Variants in PCDH7 observed in about 807,000 individuals in gnomAD.
PCDH7 encodes the protein protocadherin 7.
Under a neutral mutation model 58.9 loss-of-function variants are expected in PCDH7, and 17 were observed. The observed-to-expected ratio is 0.29, with a 90% CI of 0.20 to 0.43. The LOEUF is 0.43. PCDH7 is among the 20% of genes least tolerant of loss of function. PCDH7 has a pLI of 1.00. For synonymous variants in PCDH7, 664 were observed against 616.4 expected (o/e 1.08, Z -1.14); for missense variants, 1,274 against 1,441.0 (o/e 0.88, Z 1.88).
chr4:31,032,893 A>G (rs1755080010), intron 3 of PCDH7, among the ~76,000 whole-genome samples: 2 of 152,186 alleles, frequency 1.3e-5, no homozygotes, highest in Admixed American at 6.5e-5. Flanking sequence ...TTAGGGAATA[A>G]GGAATAGATT....
chr4:30,726,947 C>T (rs992536905), intron 1 of PCDH7, among the ~76,000 whole-genome samples: 2 of 151,772 alleles, frequency 1.3e-5, no homozygotes, highest in Non-Finnish European at 3.0e-5. Context: ...TAGACAATTT[C>T]CTATTTTTAT....
At chr4:30,968,376 C>CACTATATATATATA in intron 3 of PCDH7, among the ~76,000 whole-genome samples, 1 of 67,056 alleles carries the variant, frequency 1.5e-5, no homozygotes, top group South Asian at 5.1e-4. Flanking sequence ...TATACACACA[C>CACTATATATATATA]TATATATATA....
At chr4:31,075,073 TACAA>T (rs1028061147) in intron 3 of PCDH7, among the ~76,000 whole-genome samples, 6 of 152,166 alleles carry the variant, frequency 3.9e-5, no homozygotes, top group Non-Finnish European at 7.3e-5. Flanking sequence ...ACCCTTTTTT[TACAA>T]ACAGAGACAA....
chr4:30,796,299 C>T (rs1319127348), intron 1 of PCDH7, among the ~76,000 whole-genome samples: 1 of 152,138 alleles, frequency 6.6e-6, no homozygotes, highest in Non-Finnish European at 1.5e-5. Context: ...TAACGGACTT[C>T]CCCAGTAGTC....
At chr4:30,773,698 G>T (rs1186750342) in intron 1 of PCDH7, among the ~76,000 whole-genome samples, 4 of 152,088 alleles carry the variant, frequency 2.6e-5, no homozygotes, top group African/African-American at 9.7e-5. Context: ...TCCCCAGAGG[G>T]TTGCTGTCTC....
intron 1 of PCDH7, among the ~76,000 whole-genome samples, chr4:30,881,948 T>C (rs2109371710): frequency 6.6e-6 from 1 of 152,302 alleles, no homozygotes; most frequent in African/African-American, 2.4e-5. Context: ...AACAACTGGC[T>C]AAAAAGCAGA....
At chr4:30,787,876 C>T (rs1416581979) in intron 1 of PCDH7, among the ~76,000 whole-genome samples, 1 of 152,012 alleles carries the variant, frequency 6.6e-6, no homozygotes, top group East Asian at 1.9e-4. Context: ...CTGTCTTAAG[C>T]CATTCTGTTA....
intron 3 of PCDH7, among the ~76,000 whole-genome samples, chr4:31,133,412 C>G (rs1415607698): frequency 6.6e-6 from 1 of 152,122 alleles, no homozygotes; most frequent in Admixed American, 6.6e-5. Context: ...ATTATGAAAG[C>G]TATGATTATT....
At chr4:31,145,971 G>A (rs952555542), downstream of PCDH7, 2 of 152,064 alleles carry the variant, frequency 1.3e-5, no homozygotes, top group South Asian at 4.1e-4. Flanking sequence ...TTATACATTA[G>A]GACACATTTA....
intron 1 of PCDH7, among the ~76,000 whole-genome samples, chr4:30,774,878 G>A (rs961161932): frequency 6.6e-6 from 1 of 152,122 alleles, no homozygotes; most frequent in Non-Finnish European, 1.5e-5. Flanking sequence ...CTTTTTACAA[G>A]TTATAATACA....
At chr4:30,730,709 C>T (rs371572250) in intron 1 of PCDH7, 101 of 1,466,956 alleles carry the variant, frequency 6.9e-5, no homozygotes, top group Middle Eastern at 1.8e-4. Flanking sequence ...ATTTCTTTAT[C>T]GATTTTTTTT....
At chr4:31,067,851 A>G (rs1758220208) in intron 3 of PCDH7, among the ~76,000 whole-genome samples, 1 of 151,984 alleles carries the variant, frequency 6.6e-6, no homozygotes, top group Non-Finnish European at 1.5e-5. Context: ...GTTGCTGGAG[A>G]TAAATGATAT....
intron 3 of PCDH7, among the ~76,000 whole-genome samples, chr4:31,071,082 T>C (rs1758506918): frequency 6.6e-6 from 1 of 152,048 alleles, no homozygotes; most frequent in African/African-American, 2.4e-5. Context: ...TTATTTGCTT[T>C]TAGAGACTGA....
At position 30,730,757 on chromosome 4, in the gene PCDH7, G is replaced by A. The variant is rs373730319; in HGVS notation, c.3179G>A (p.Arg1060His). 2.3e-4 allele frequency: 364 copies of A among 1,599,894 alleles called. 2 individuals carry two copies. The highest frequency in any genetic ancestry group is 7.4e-4 in the South Asian group (66 of 88,788). ...TCTTTATTTTCCTTCTTTCAGATGCGTCTACATCCATACATTACTGTGTTT... is the reference window on the plus strand; with the variant it reads ...TCTTTATTTTCCTTCTTTCAGATGCATCTACATCCATACATTACTGTGTTT... Residue 1060 changes from arginine (R) to histidine (H), a missense_variant, in exon 2 of 2, where the codon CGT (arginine) becomes CAT (histidine). This residue lies in a region of PCDH7 where 731 missense variants were observed against 881.9 expected (regional missense o/e 0.83). Transcript: ENST00000361762.
chr4:30,969,499 G>A (rs1749361167), intron 3 of PCDH7, among the ~76,000 whole-genome samples: 1 of 152,124 alleles, frequency 6.6e-6, no homozygotes, highest in Non-Finnish European at 1.5e-5. Flanking sequence ...ACTATTCAGA[G>A]AAGACTAGCA....
chr4:31,084,126 T>G (rs990868184), intron 3 of PCDH7, among the ~76,000 whole-genome samples: 5 of 152,218 alleles, frequency 3.3e-5, no homozygotes, highest in African/African-American at 1.2e-4. Context: ...AAAATACCAC[T>G]ACTATTTCAG....
At chr4:30,751,140 T>C (rs1718466383) in intron 1 of PCDH7, among the ~76,000 whole-genome samples, 1 of 152,230 alleles carries the variant, frequency 6.6e-6, no homozygotes, top group Admixed American at 6.5e-5. Flanking sequence ...CAGGTGATTT[T>C]GTACCTGTGC....
At chr4:30,958,017 A>G (rs1430367370) in intron 3 of PCDH7, among the ~76,000 whole-genome samples, 1 of 152,110 alleles carries the variant, frequency 6.6e-6, no homozygotes, top group Non-Finnish European at 1.5e-5. Context: ...GAGACCGAAA[A>G]TATCTGCTAA....
chr4:31,057,052 T>C (rs1490253520), intron 3 of PCDH7, among the ~76,000 whole-genome samples: 1 of 152,258 alleles, frequency 6.6e-6, no homozygotes, highest in East Asian at 1.9e-4. Flanking sequence ...AGTTTGGCCT[T>C]TGTTTAAGTC....
Sources: gnomAD v4.1 joint callset for allele counts (sites outside exome capture counted in the v4.1 genomes callset) on GRCh38, gnomAD v4.1.1 for gene constraint, gnomAD v4.1.1 regional missense constraint, MANE v1.5 for transcripts, NCBI Gene and HGNC (gene_info 2026-07-23, HGNC 2026-07-21) for gene names.